Variants in NRP1 observed in about 807,000 individuals in gnomAD.
The protein encoded by NRP1 is neuropilin-1.
Under a neutral mutation model 106.7 loss-of-function variants are expected in NRP1, and 35 were observed. That is an observed-to-expected ratio of 0.33 (90% CI 0.25 to 0.43). NRP1 has a LOEUF of 0.43. NRP1 is among the 20% of genes least tolerant of loss of function. The pLI is 1.00. For missense variants in NRP1, 1,024 were observed against 1,170.4 expected, an observed-to-expected ratio of 0.87 and a Z score of 1.83; for synonymous variants, 437 against 417.9, an observed-to-expected ratio of 1.05 and a Z score of -0.56.
intron 2 of NRP1, among the ~76,000 whole-genome samples, chr10:33,311,085 A>G (rs1156445295): frequency 6.6e-6 from 1 of 152,222 alleles, no homozygotes. Context: ...ATAGGCAAAG[A>G]AGACAAACAT....
chr10:33,309,634 G>A (rs1443011920), intron 2 of NRP1, among the ~76,000 whole-genome samples: 1 of 152,210 alleles, frequency 6.6e-6, no homozygotes, highest in Non-Finnish European at 1.5e-5. Flanking sequence ...CACATCAGCA[G>A]CTTTCTGTAG....
chr10:33,247,482 G>A (rs1037296030), intron 6 of NRP1, among the ~76,000 whole-genome samples: 23 of 152,226 alleles, frequency 1.5e-4, no homozygotes, highest in African/African-American at 5.1e-4. Context: ...TGTTGGTGAA[G>A]TGTATGGATG....
At chr10:33,330,138 A>T (rs1228229267) in intron 2 of NRP1, among the ~76,000 whole-genome samples, 1 of 152,256 alleles carries the variant, frequency 6.6e-6, no homozygotes, top group Non-Finnish European at 1.5e-5. Context: ...TATTTTAATC[A>T]GTAATCCACC....
chr10:33,266,688 C>T (rs1026987286), intron 3 of NRP1, among the ~76,000 whole-genome samples: 4 of 152,018 alleles, frequency 2.6e-5, no homozygotes, highest in African/African-American at 7.2e-5. Context: ...AATTGTAATC[C>T]CCAATGGTGG....
intron 6 of NRP1, chr10:33,249,673 T>C (rs1215978712): frequency 2.8e-6 from 1 of 362,250 alleles, no homozygotes; most frequent in Admixed American, 3.9e-5. Context: ...GCAAATTTCA[T>C]AGTGTGATTA....
chr10:33,202,602 G>C, intron 11 of NRP1: 1 of 1,481,936 alleles, frequency 6.7e-7, no homozygotes, highest in Non-Finnish European at 9.0e-7. Context: ...AATAAGGATC[G>C]GTTTAGTACA....
At position 33,256,453 on chromosome 10, in the gene NRP1, C is replaced by T. The variant is rs201034499; in HGVS notation, c.677G>A (p.Arg226His). The change falls in exon 5 of 17, where the codon CGT becomes CAT. Residue 226 changes from arginine (R) to histidine (H), a missense_variant. Around this residue, in one of 5 missense-constraint regions of NRP1, gnomAD observed 279 missense variants for 327.4 expected, o/e 0.85. Coordinates refer to ENST00000374867, the MANE Select transcript of NRP1 (RefSeq NM_003873.7). ...GFPDVGPHIGRYCGQKTPGRI... is the reference protein window; with the variant it reads ...GFPDVGPHIGHYCGQKTPGRI... ...ACCTGGTGTTTTCTGTCCACAGTAA[C>T]GCCCAATGTGAGGGCCAACTGGAAA... The T allele has an allele frequency of 2.1e-5, 34 of 1,614,114 alleles. No individual in the cohort carries two copies. The highest frequency in any genetic ancestry group is 1.7e-4 in the Middle Eastern group (1 of 6,060).
chr10:33,197,859 T>G (rs921501284), intron 11 of NRP1, 150 bp from the exon 12 acceptor site: 2 of 442,506 alleles, frequency 4.5e-6, no homozygotes, highest in Non-Finnish European at 8.0e-6. Context: ...TTCCCTTCAA[T>G]TTTGCTCACC....
chr10:33,285,392 A>G (rs1184351687), intron 2 of NRP1, among the ~76,000 whole-genome samples: 1 of 152,240 alleles, frequency 6.6e-6, no homozygotes, highest in Non-Finnish European at 1.5e-5. Context: ...TCCAGTTATA[A>G]TAGAAGAATT....
At chr10:33,228,792 C>T (rs1207346276) in intron 6 of NRP1, among the ~76,000 whole-genome samples, 2 of 152,104 alleles carry the variant, frequency 1.3e-5, no homozygotes, top group African/African-American at 2.4e-5. Flanking sequence ...GCTCTGTGTG[C>T]TTTCACCAGA....
At chr10:33,266,230 C>G (rs1296926517) in intron 3 of NRP1, among the ~76,000 whole-genome samples, 2 of 152,182 alleles carry the variant, frequency 1.3e-5, no homozygotes, top group African/African-American at 4.8e-5. Flanking sequence ...GGTGCTTTCA[C>G]TTTGCCCTTG....
rs528104478 is a variant in NRP1, at chr10:33,208,761, C to T, written c.1615-1045G>A. 1.2e-4 allele frequency among the ~76,000 whole-genome samples: 18 copies of T among 152,084 alleles called. No individual in the cohort carries two copies. In the South Asian group the frequency reaches 2.3e-3, roughly 19 times the overall value. The stretch of plus-strand genomic sequence containing the variant: ...TCAGAACAACTCATTTTGTCATCTT[C>T]CTATGATATTGAAAAACCATAAAAG... On this transcript the variant is annotated intron_variant, in intron 9 of 16. Coordinates refer to ENST00000374867, the MANE Select transcript of NRP1 (RefSeq NM_003873.7).
intron 6 of NRP1, among the ~76,000 whole-genome samples, chr10:33,251,569 A>G (rs1425962190): frequency 1.3e-5 from 2 of 152,162 alleles, no homozygotes; most frequent in African/African-American, 4.8e-5. Context: ...GCTTCTCCTG[A>G]TCATGTTTTC....
chr10:33,274,715 G>A (rs1449192168), intron 2 of NRP1, among the ~76,000 whole-genome samples: 2 of 152,064 alleles, frequency 1.3e-5, no homozygotes, highest in South Asian at 4.2e-4. Context: ...CCAGGCTTCC[G>A]GACATTCTCA....
chr10:33,234,761 T>C (rs1488471793), intron 6 of NRP1, among the ~76,000 whole-genome samples: 2 of 152,222 alleles, frequency 1.3e-5, no homozygotes, highest in African/African-American at 2.4e-5. Flanking sequence ...ATAGTTAAAT[T>C]AAAGGAGAGC....
In NRP1 at chr10:33,256,471, A is replaced by T; in HGVS notation, c.659T>A (p.Val220Asp). 1 of 1,614,066 alleles carries T rather than the reference A, an allele frequency of 6.2e-7. No homozygotes were observed. Among genetic ancestry groups the T allele is most frequent in the Non-Finnish European group, 8.5e-7 (1 of 1,179,900 alleles). The change falls in exon 5 of 17, where the codon GTT (valine) becomes GAT (aspartate). Residue 220 changes from valine to aspartate, a missense_variant and splice_region_variant. Val to Asp is a radical substitution (Grantham distance 152). Around this residue, in one of 5 missense-constraint regions of NRP1, gnomAD observed 279 missense variants for 327.4 expected, o/e 0.85. Coordinates refer to ENST00000374867, the MANE Select transcript of NRP1 (RefSeq NM_003873.7). ...RLEIWDGFPD[V>D]GPHIGRYCGQ... ...ACAGTAACGCCCAATGTGAGGGCCA[A>T]CTGGAAAGGGAGGAATACAGACGAT...
At chr10:33,312,587 G>A (rs1044711408) in intron 2 of NRP1, among the ~76,000 whole-genome samples, 1 of 152,200 alleles carries the variant, frequency 6.6e-6, no homozygotes, top group African/African-American at 2.4e-5. Context: ...TATTTCTAAT[G>A]GGCCTCTGCA....
At chr10:33,208,310 C>T (rs1374460144) in intron 9 of NRP1, among the ~76,000 whole-genome samples, 1 of 152,206 alleles carries the variant, frequency 6.6e-6, no homozygotes, top group Non-Finnish European at 1.5e-5. Flanking sequence ...GCATTGGCCT[C>T]TCCAAGTGCT....
At position 33,270,817 on chromosome 10, in the gene NRP1, A is replaced by G. The variant is rs1173182463; in HGVS notation, c.288T>C (p.Asn96=). 5 of 1,613,214 alleles carry G rather than the reference A, an allele frequency of 3.1e-6. No homozygotes were observed. In the African/African-American group the frequency reaches 6.7e-5, roughly 22 times the overall value. The change falls in exon 3 of 17, where the codon AAT becomes AAC. Residue 96 remains asparagine, a synonymous_variant. Transcript: ENST00000374867. ...CACAGAACTTTCCCCTAAAATGTCC[A>G]TTTTCATTTTCTCCATCGAAGACTT... ...YVEVFDGENE[N]GHFRGKFCGK...
Sources: allele counts gnomAD v4.1 joint callset (sites outside exome capture counted in the v4.1 genomes callset), GRCh38; gene constraint gnomAD v4.1.1; regional missense constraint gnomAD v4.1.1; transcripts MANE v1.5; gene names NCBI Gene and HGNC (gene_info 2026-07-23, HGNC 2026-07-21).